Variants in UMAD1 observed in about 807,000 individuals in gnomAD.
UMAD1 encodes the protein UBAP1-MVB12-associated (UMA) domain containing 1.
Under a neutral mutation model 6.1 loss-of-function variants are expected in UMAD1, and 8 were observed. The ratio of observed to expected loss-of-function variants is 1.30; its 90% CI spans 0.76 to 2.35. The LOEUF is 2.35. UMAD1 is among the 30% of genes most tolerant of loss of function. UMAD1 has a pLI of 0.00. For synonymous variants in UMAD1, 56 were observed against 31.4 expected (o/e 1.78, Z -2.61); for missense variants, 130 against 78.4 (o/e 1.66, Z -2.49).
chr7:7,834,034 T>C (rs2115307177), intron 3 of UMAD1, among the ~76,000 whole-genome samples: 1 of 145,680 alleles, frequency 6.9e-6, no homozygotes, highest in African/African-American at 2.5e-5. Context: ...TTTTTTTTTT[T>C]TTTTTTGAGA....
intron 3 of UMAD1, among the ~76,000 whole-genome samples, chr7:7,852,233 C>CTA (rs1218745233): frequency 1.3e-5 from 2 of 152,176 alleles, no homozygotes; most frequent in Non-Finnish European, 2.9e-5. Flanking sequence ...TGTTTTTCCT[C>CTA]TACTCTCACA....
chr7:7,682,843 C>T (rs780132199), intron 2 of UMAD1, among the ~76,000 whole-genome samples: 18 of 152,186 alleles, frequency 1.2e-4, no homozygotes, highest in Non-Finnish European at 1.9e-4. Flanking sequence ...CAGGATTTTT[C>T]AACTAACTTC....
chr7:7,680,999 G>A (rs982774101), intron 2 of UMAD1, among the ~76,000 whole-genome samples: 8 of 151,940 alleles, frequency 5.3e-5, no homozygotes, highest in African/African-American at 1.5e-4. Context: ...TTGTGGCATC[G>A]TGTGCAATAC....
chr7:7,877,712 A>G lies in UMAD1; in HGVS notation c.*174A>G, dbSNP rs1784450713. On this transcript the variant is annotated 3_prime_UTR_variant, in exon 4 of 4. Transcript: ENST00000682710. ...TTAAGAAAAAGGTACATTTGTATAC[A>G]AATTGAACTTAAGTTCTACTTCCTT... 1.8e-6 allele frequency: 1 copy of G among 567,708 alleles called. No homozygotes were observed. 35.2% of individuals were successfully genotyped at this position (567,708 alleles called of 1,614,324 possible). A position where few individuals can be genotyped will look rare whatever the true frequency, so the allele number is the denominator to read the frequency against.
chr7:7,659,208 G>T (rs1219100758), intron 1 of UMAD1, among the ~76,000 whole-genome samples: 1 of 151,342 alleles, frequency 6.6e-6, no homozygotes, highest in African/African-American at 2.4e-5. Context: ...CTTCTTTATT[G>T]GTCTTGCTAG....
chr7:7,771,935 T>C (rs1395343486), intron 2 of UMAD1, among the ~76,000 whole-genome samples: 1 of 152,178 alleles, frequency 6.6e-6, no homozygotes, highest in Non-Finnish European at 1.5e-5. Flanking sequence ...GCATTAGATA[T>C]TAGTATAGTG....
At chr7:7,723,827 G>T (rs141742420) in intron 2 of UMAD1, among the ~76,000 whole-genome samples, 5 of 152,218 alleles carry the variant, frequency 3.3e-5, no homozygotes, top group Non-Finnish European at 1.5e-5. Context: ...AATCAGAATA[G>T]TCTGACTCGT....
intron 3 of UMAD1, among the ~76,000 whole-genome samples, chr7:7,873,533 C>T (rs950158332): frequency 3.3e-5 from 5 of 152,202 alleles, no homozygotes; most frequent in Non-Finnish European, 5.9e-5. Flanking sequence ...CAAGCTTTAT[C>T]ATAATAGAGT....
chr7:7,775,887 A>G (rs531789976), intron 2 of UMAD1, among the ~76,000 whole-genome samples: 8 of 152,316 alleles, frequency 5.3e-5, no homozygotes, highest in African/African-American at 1.9e-4. Flanking sequence ...ATGGATAGCA[A>G]AGTGGTTGCC....
chr7:7,669,360 C>G (rs1779548868), intron 1 of UMAD1, among the ~76,000 whole-genome samples: 1 of 152,122 alleles, frequency 6.6e-6, no homozygotes, highest in Non-Finnish European at 1.5e-5. Flanking sequence ...GGCAGGGTAA[C>G]TAAATCTTGC....
chr7:7,691,280 A>G lies in UMAD1; in HGVS notation c.82+17827A>G, dbSNP rs116337695. On this transcript the variant is annotated intron_variant, in intron 2 of 3. Transcript: ENST00000682710. ...AGGAAAAAATGGTTATTCAAGGAAA[A>G]AAACTTGTAAACAACTGATAATATC... Among the ~76,000 whole-genome samples the G allele has an allele frequency of 2.7e-3, 413 of 152,350 alleles. 1 individual carries two copies. Among genetic ancestry groups the G allele is most frequent in the African/African-American group, 9.1e-3 (380 of 41,582 alleles).
At chr7:7,723,202 A>G (rs1335416102) in intron 2 of UMAD1, among the ~76,000 whole-genome samples, 2 of 152,154 alleles carry the variant, frequency 1.3e-5, no homozygotes, top group East Asian at 3.8e-4. Flanking sequence ...CTTGAGAAGA[A>G]CTGCTTAAAT....
intron 3 of UMAD1, among the ~76,000 whole-genome samples, chr7:7,848,956 G>T (rs1783861443): frequency 6.6e-6 from 1 of 151,960 alleles, no homozygotes; most frequent in South Asian, 2.1e-4. Context: ...AAGTATTATT[G>T]TTCTACCTGT....
At chr7:7,647,752 A>T (rs1469649678) in intron 1 of UMAD1, among the ~76,000 whole-genome samples, 2 of 152,170 alleles carry the variant, frequency 1.3e-5, no homozygotes, top group Admixed American at 6.5e-5. Context: ...ACGTGCCATC[A>T]CACCCAGCTA....
At chr7:7,808,289 T>G (rs17138135) in intron 3 of UMAD1, among the ~76,000 whole-genome samples, 33,510 of 151,894 alleles carry the variant, frequency 0.22, 3,605 homozygotes, top group Middle Eastern at 0.26. Context: ...TCTACTAGTC[T>G]TGGAGCCTGT....
intron 2 of UMAD1, among the ~76,000 whole-genome samples, chr7:7,757,938 G>A (rs867334136): frequency 6.6e-6 from 1 of 152,140 alleles, no homozygotes; most frequent in Non-Finnish European, 1.5e-5. Context: ...GGTTTGTCTA[G>A]AGTGGAAGTT....
intron 2 of UMAD1, among the ~76,000 whole-genome samples, chr7:7,778,743 A>C (rs1172352644): frequency 6.6e-6 from 1 of 152,108 alleles, no homozygotes; most frequent in Non-Finnish European, 1.5e-5. Flanking sequence ...AAAAGTTGAG[A>C]GCATATTCTT....
At position 7,853,912 on chromosome 7, in the gene UMAD1, C is replaced by G. The variant is rs60873765; in HGVS notation, c.157-23369C>G. 6.5e-3 allele frequency among the ~76,000 whole-genome samples: 995 copies of G among 152,274 alleles called. 12 individuals are homozygous for G. The highest frequency in any genetic ancestry group is 0.022 in the African/African-American group (919 of 41,564). On this transcript the variant is annotated intron_variant, in intron 3 of 3. Transcript: ENST00000682710. ...TGGTCTTAGGGGAAAAGCATCTAGT[C>G]TTTCACCATTAATAATGTTGTCAGC...
At chr7:7,794,715 C>G (rs1782638804) in intron 2 of UMAD1, among the ~76,000 whole-genome samples, 1 of 152,146 alleles carries the variant, frequency 6.6e-6, no homozygotes, top group Non-Finnish European at 1.5e-5. Context: ...ATATTTTACC[C>G]TAGAATATAT....
Sources: gnomAD v4.1 joint callset for allele counts (sites outside exome capture counted in the v4.1 genomes callset) on GRCh38, gnomAD v4.1.1 for gene constraint, MANE v1.5 for transcripts, NCBI Gene and HGNC (gene_info 2026-07-23, HGNC 2026-07-21) for gene names.